The following MAGI1 variants were observed in gnomAD, a reference collection of about 807,000 sequenced individuals.
MAGI1 encodes membrane associated guanylate kinase, WW and PDZ domain containing 1.
A neutral mutation model predicts 139.9 loss-of-function variants in MAGI1; 58 were observed. The ratio of observed to expected loss-of-function variants is 0.41; its 90% CI spans 0.34 to 0.52. The LOEUF is 0.52. Ranked by LOEUF, MAGI1 falls within the 20% of genes least tolerant of loss-of-function variation. The pLI is 0.12. For synonymous variants in MAGI1, 812 were observed against 737.9 expected (o/e 1.10, Z -1.63); for missense variants, 1,874 against 1,901.6 (o/e 0.99, Z 0.27).
At chr3:65,964,917 A>G (rs566259559) in intron 1 of MAGI1, among the ~76,000 whole-genome samples, 40 of 152,346 alleles carry the variant, frequency 2.6e-4, no homozygotes, top group African/African-American at 7.9e-4. Context: ...AAGAATTTCA[A>G]TAAGAAACTC....
At chr3:65,716,066 A>T (rs1372208503) in intron 1 of MAGI1, among the ~76,000 whole-genome samples, 1 of 152,234 alleles carries the variant, frequency 6.6e-6, no homozygotes, top group East Asian at 1.9e-4. Context: ...TATTCCAAAA[A>T]AATCGTTTAC....
rs11409972 is a variant in MAGI1, at chr3:65,478,847, GT to G, written c.551-50del. 1.1e-3 allele frequency: 1,461 copies of G among 1,343,030 alleles called. 12 individuals are homozygous for G. The African/African-American group carries it at 0.016, about 15-fold the overall frequency. 83.2% of individuals were successfully genotyped at this position (1,343,030 alleles called of 1,614,324 possible). On this transcript the variant is annotated intron_variant, in intron 3 of 22. Coordinates refer to ENST00000402939, the MANE Select transcript of MAGI1 (RefSeq NM_001033057.2). ...GCATGTTTCAAAAGGAATACTTTGT[GT>G]TTTTTTTTAAGACTTCACATCCAAA... is the stretch of plus-strand genomic sequence containing the variant.
At chr3:65,952,815 AAAAC>A (rs1306719953) in intron 1 of MAGI1, among the ~76,000 whole-genome samples, 3 of 152,236 alleles carry the variant, frequency 2.0e-5, no homozygotes, top group Admixed American at 1.3e-4. Context: ...CTTCATCTCA[AAAAC>A]AAACAAACAA....
In MAGI1 at chr3:65,727,447, C is replaced by T. The variant is rs1302037056; in HGVS notation, c.314-105359G>A. ...GTCTTGCTATATTGCTCAGGCTGGC[C>T]TTGAACTTCTGTGTTCGAGCAATCC... is the stretch of plus-strand genomic sequence containing the variant. On this transcript the variant is annotated intron_variant, in intron 1 of 22. Coordinates refer to ENST00000402939, the MANE Select transcript of MAGI1 (RefSeq NM_001033057.2). Among the ~76,000 whole-genome samples, 3 of 152,190 alleles carry T rather than the reference C, an allele frequency of 2.0e-5. No homozygotes were observed. In the East Asian group the frequency reaches 5.8e-4, roughly 29 times the overall value.
At position 65,584,963 on chromosome 3, in the gene MAGI1, G is replaced by C. The variant is rs142180159; in HGVS notation, c.430+37009C>G. Among the ~76,000 whole-genome samples the C allele has an allele frequency of 5.0e-3, 758 of 152,276 alleles. 1 individual carries two copies. The highest frequency in any genetic ancestry group is 7.4e-3 in the Non-Finnish European group (503 of 68,020). Reference sequence around the variant, plus strand: ...CATATCCATTGTGAGAAAGGCAGACGGGCCAAATTGATTCACCTAAGTCAG... The same window carrying C: ...CATATCCATTGTGAGAAAGGCAGACCGGCCAAATTGATTCACCTAAGTCAG... On this transcript the variant is annotated intron_variant, in intron 2 of 22. Transcript: ENST00000402939.
intron 1 of MAGI1, among the ~76,000 whole-genome samples, chr3:65,816,174 T>C (rs968751453): frequency 1.3e-5 from 2 of 151,804 alleles, no homozygotes; most frequent in African/African-American, 4.8e-5. Flanking sequence ...TAATGTAGAG[T>C]CATGGTTGGA....
chr3:65,903,951 T>C (rs1476091446), intron 1 of MAGI1, among the ~76,000 whole-genome samples: 1 of 151,540 alleles, frequency 6.6e-6, no homozygotes, highest in Non-Finnish European at 1.5e-5. Flanking sequence ...GAGGTTGCAG[T>C]GAGCCGAGAT....
rs961900931 is a variant in MAGI1 at position 65,430,854 on chromosome 3, G to C, written c.1391C>G (p.Ser464Cys). The C allele has an allele frequency of 6.2e-7, 1 of 1,613,316 alleles. No homozygotes were observed. ...QGKPFFTRNPSELKGKFIHTK... is the reference protein window; with the variant it reads ...QGKPFFTRNPCELKGKFIHTK... ...GTGAATGAACTTGCCTTTCAACTCA[G>C]AAGGGTTTCGTGTAAAAAAGGGTTT... Residue 464 changes from serine (S) to cysteine (C), a missense_variant, in exon 11 of 23, where the codon TCT becomes TGT. By Grantham distance (112) the Ser-to-Cys change is moderately radical. This residue lies in a region of MAGI1 where 648 missense variants were observed against 598.1 expected (regional missense o/e 1.08). Coordinates refer to ENST00000402939, the MANE Select transcript of MAGI1 (RefSeq NM_001033057.2).
intron 1 of MAGI1, among the ~76,000 whole-genome samples, chr3:65,989,113 T>C (rs1454617080): frequency 6.6e-6 from 1 of 152,218 alleles, no homozygotes; most frequent in Non-Finnish European, 1.5e-5. Context: ...AAATTACACA[T>C]TTAAAATGCT....
In MAGI1 at chr3:65,729,129, G is replaced by A. The variant is rs867694742; in HGVS notation, c.314-107041C>T. ...TTAACAAAAAATGGAACGGGGGGGG[G>A]GGGGGGGATGATATTCACTCTGAAG... On this transcript the variant is annotated intron_variant, in intron 1 of 22. Coordinates refer to ENST00000402939, the MANE Select transcript of MAGI1 (RefSeq NM_001033057.2). 3.2e-4 allele frequency among the ~76,000 whole-genome samples: 40 copies of A among 125,802 alleles called. 4 individuals carry two copies. In the South Asian group the frequency reaches 0.014, roughly 46 times the overall value. 82.5% of individuals were successfully genotyped at this position (125,802 alleles called of 152,430 possible).
chr3:65,998,805 C>G (rs1405234430), intron 1 of MAGI1, among the ~76,000 whole-genome samples: 2 of 152,010 alleles, frequency 1.3e-5, no homozygotes, highest in Non-Finnish European at 2.9e-5. Context: ...TGCAAAAAGC[C>G]TTGAAGCTCA....
chr3:65,733,958 T>C (rs1250810218), intron 1 of MAGI1, among the ~76,000 whole-genome samples: 1 of 152,202 alleles, frequency 6.6e-6, no homozygotes, highest in Non-Finnish European at 1.5e-5. Context: ...CCTGCTCTAA[T>C]TCTGAGTGTT....
chr3:65,990,152 T>C (rs367819737), intron 1 of MAGI1, among the ~76,000 whole-genome samples: 1 of 151,344 alleles, frequency 6.6e-6, no homozygotes, highest in Non-Finnish European at 1.5e-5. Context: ...AAGACCTGAG[T>C]GAGATTAACG....
chr3:65,910,960 C>A (rs537320415), intron 1 of MAGI1, among the ~76,000 whole-genome samples: 1 of 148,400 alleles, frequency 6.7e-6, no homozygotes, highest in African/African-American at 2.5e-5. Flanking sequence ...TGGGTTCAAG[C>A]GATTCTCCTG....
intron 1 of MAGI1, among the ~76,000 whole-genome samples, chr3:65,712,563 A>G (rs2372185): frequency 0.32 from 49,085 of 151,482 alleles, 8,775 homozygotes; most frequent in Non-Finnish European, 0.42. Flanking sequence ...CTCAGGTTGG[A>G]GTGCAGCAGC....
In MAGI1 at chr3:65,355,706, C is replaced by T. The variant is rs1219467082; in HGVS notation, c.*672G>A. ...CCGACATTTTTGTCTGTGTGCCTTCCTGGGCCAGGGAGAGTACAAACTGTT... is the reference window on the plus strand; with the variant it reads ...CCGACATTTTTGTCTGTGTGCCTTCTTGGGCCAGGGAGAGTACAAACTGTT... On this transcript the variant is annotated 3_prime_UTR_variant, in exon 23 of 23. Transcript: ENST00000402939. The T allele has an allele frequency of 1.3e-5, 2 of 152,592 alleles. No homozygotes were observed. The highest frequency in any genetic ancestry group is 4.8e-5 in the African/African-American group (2 of 41,414). 9.5% of individuals were successfully genotyped at this position (152,592 alleles called of 1,614,324 possible). A position where few individuals can be genotyped will look rare whatever the true frequency, so the allele number is the denominator to read the frequency against.
chr3:65,800,810 T>C (rs1343485432), intron 1 of MAGI1, among the ~76,000 whole-genome samples: 1 of 152,204 alleles, frequency 6.6e-6, no homozygotes, highest in East Asian at 1.9e-4. Flanking sequence ...TTCTCATATA[T>C]TTTCTTCCTT....
intron 1 of MAGI1, among the ~76,000 whole-genome samples, chr3:66,031,752 T>C (rs1248804292): frequency 1.3e-5 from 2 of 150,642 alleles, no homozygotes; most frequent in African/African-American, 4.9e-5. Flanking sequence ...TTGGATTGTG[T>C]TCTGTAGCAA....
At chr3:65,846,134 G>A (rs17379780) in intron 1 of MAGI1, among the ~76,000 whole-genome samples, 25,661 of 152,174 alleles carry the variant, frequency 0.17, 2,463 homozygotes, top group Middle Eastern at 0.29. Context: ...ACAGAGCAAA[G>A]GAACAGGGAC....
Sources: allele counts gnomAD v4.1 joint callset (sites outside exome capture counted in the v4.1 genomes callset), GRCh38; gene constraint gnomAD v4.1.1; regional missense constraint gnomAD v4.1.1; transcripts MANE v1.5; gene names NCBI Gene and HGNC (gene_info 2026-07-23, HGNC 2026-07-21).